The following APLP2 variants were observed in gnomAD, a reference collection of about 807,000 sequenced individuals.
The protein encoded by APLP2 is amyloid beta precursor like protein 2, also known as CDEI box-binding protein.
In APLP2, 53 loss-of-function variants were observed where a neutral mutation model predicts 89.9. The ratio of observed to expected loss-of-function variants is 0.59; its 90% CI spans 0.47 to 0.74. The LOEUF (loss-of-function observed/expected upper bound fraction) is 0.74. APLP2 is among the 30% of genes least tolerant of loss of function. The pLI is 0.00. For synonymous variants in APLP2, 372 were observed against 348.6 expected (o/e 1.07, Z -0.75); for missense variants, 973 against 975.9 (o/e 1.00, Z 0.04).
At chr11:130,074,168 T>A (rs12421533) in intron 1 of APLP2, among the ~76,000 whole-genome samples, 17,048 of 152,236 alleles carry the variant, frequency 0.11, 1,235 homozygotes, top group East Asian at 0.25. Context: ...GTTGACCCAA[T>A]CATGTTCTTT....
chr11:130,121,244 C>G (rs530708675), intron 4 of APLP2, among the ~76,000 whole-genome samples: 2 of 152,188 alleles, frequency 1.3e-5, no homozygotes, highest in Non-Finnish European at 2.9e-5. Flanking sequence ...TGGCTCTGCT[C>G]TTTGGTCAGT....
rs1951198046 is a variant in APLP2 at position 130,133,700 on chromosome 11, T to C, written c.1656T>C (p.Tyr552=). 5 of 1,614,168 alleles carry C rather than the reference T, an allele frequency of 3.1e-6. No individual in the cohort carries two copies. Among genetic ancestry groups the C allele is most frequent in the East Asian group, 2.2e-5 (1 of 44,886 alleles). Residue 552 remains tyrosine (Y), a synonymous_variant, in exon 12 of 17, where the codon TAT becomes TAC. Coordinates refer to ENST00000338167, the MANE Select transcript of APLP2 (RefSeq NM_001142276.2). ...TCTCTCTGCTCTACAAAGTACCTTA[T>C]GTAGCCCAAGAAATTCAAGAGGAAA... ...QSLSLLYKVP[Y]VAQEIQEEID...
At chr11:130,140,618 C>T (rs902836426) in intron 14 of APLP2, 135 bp downstream of exon 14, 13 of 566,926 alleles carry the variant, frequency 2.3e-5, no homozygotes, top group Admixed American at 1.9e-4. Flanking sequence ...AGGGCTCCAA[C>T]GGCTCCCACA....
At chr11:130,120,145 C>T (rs1247708326) in intron 3 of APLP2, among the ~76,000 whole-genome samples, 2 of 152,166 alleles carry the variant, frequency 1.3e-5, no homozygotes, top group African/African-American at 2.4e-5. Context: ...CCAGTTTGCT[C>T]GTTATCAGTG....
intron 3 of APLP2, among the ~76,000 whole-genome samples, chr11:130,111,438 T>C (rs997553744): frequency 1.3e-5 from 2 of 152,186 alleles, no homozygotes; most frequent in African/African-American, 4.8e-5. Context: ...GATACAGCAT[T>C]AATGTAGACA....
chr11:130,085,187 T>C (rs1321104174), intron 1 of APLP2, among the ~76,000 whole-genome samples: 1 of 152,152 alleles, frequency 6.6e-6, no homozygotes, highest in Non-Finnish European at 1.5e-5. Context: ...CGGTGGCTTA[T>C]GCCTGTAATC....
intron 1 of APLP2, among the ~76,000 whole-genome samples, chr11:130,100,007 A>G (rs7938772): frequency 0.11 from 16,878 of 152,302 alleles, 1,197 homozygotes; most frequent in East Asian, 0.24. Context: ...AAAACCTGGT[A>G]ATAATGAAAG....
intron 1 of APLP2, among the ~76,000 whole-genome samples, chr11:130,104,039 G>A (rs1055639883): frequency 3.3e-5 from 5 of 151,818 alleles, no homozygotes; most frequent in East Asian, 1.9e-4. Flanking sequence ...CTGAACTTTC[G>A]AAGTGGGAAG....
chr11:130,142,103 TCTGCA>T, intron 16 of APLP2, 29 bp downstream of exon 16: 1 of 1,593,148 alleles, frequency 6.3e-7, no homozygotes, highest in Non-Finnish European at 8.6e-7. Flanking sequence ...GAGGGCCTGC[TCTGCA>T]CTGTGGGCTG....
Position 130,081,474 on chromosome 11 carries a change from T to G in APLP2, c.105+11392T>G, listed in dbSNP as rs554655605. Among the ~76,000 whole-genome samples the G allele has an allele frequency of 2.6e-5, 4 of 152,374 alleles. 1 individual carries two copies. The highest frequency in any genetic ancestry group is 9.6e-5 in the African/African-American group (4 of 41,592). On this transcript the variant is annotated intron_variant, in intron 1 of 16. Transcript: ENST00000338167. ...GGGTGATAAAAAGGAGGGAAAATGTTTATTTTATTGATAAGCACATGGTGA... is the reference window on the plus strand; with the variant it reads ...GGGTGATAAAAAGGAGGGAAAATGTGTATTTTATTGATAAGCACATGGTGA...
intron 13 of APLP2, among the ~76,000 whole-genome samples, chr11:130,135,929 C>CT: frequency 1.3e-5 from 2 of 152,282 alleles, no homozygotes; most frequent in South Asian, 4.1e-4. Flanking sequence ...GAAGTTAAGA[C>CT]TAATTCTCCC....
intron 1 of APLP2, among the ~76,000 whole-genome samples, chr11:130,091,574 G>A (rs1285305936): frequency 5.7e-5 from 8 of 139,892 alleles, no homozygotes; most frequent in East Asian, 2.3e-4. Context: ...CGGACGGGGC[G>A]GCTGGCCGGG....
At chr11:130,103,530 G>A (rs79658135) in intron 1 of APLP2, among the ~76,000 whole-genome samples, 247 of 152,152 alleles carry the variant, frequency 1.6e-3, no homozygotes, top group African/African-American at 5.3e-3. Flanking sequence ...GCACAGAGCC[G>A]AAATGCACTT....
chr11:130,110,808 T>C (rs2135805395), intron 3 of APLP2, 147 bp downstream of exon 3: 1 of 1,101,846 alleles, frequency 9.1e-7, no homozygotes, highest in Non-Finnish European at 1.3e-6. Context: ...TTAGGGGTGT[T>C]TGCTGGCTTC....
chr11:130,079,123 G>A (rs1591758847), intron 1 of APLP2, among the ~76,000 whole-genome samples: 1 of 149,450 alleles, frequency 6.7e-6, no homozygotes, highest in East Asian at 1.9e-4. Context: ...TTTTGAGACA[G>A]GTTGTTGCTC....
intron 1 of APLP2, among the ~76,000 whole-genome samples, chr11:130,083,133 T>C (rs773522082): frequency 7.0e-6 from 1 of 142,052 alleles, no homozygotes; most frequent in Non-Finnish European, 1.5e-5. Context: ...CCTCCTGGGC[T>C]CAAATGACTC....
rs1335660058 is a variant in APLP2, at chr11:130,123,711, G to A, written c.1022G>A (p.Gly341Asp). Reference sequence around the variant, plus strand: ...GGAAAGTGCGTGCGCTTTATATATGGTGGCTGCGGCGGCAACAGGAACAAT... The same window carrying A: ...GGAAAGTGCGTGCGCTTTATATATGATGGCTGCGGCGGCAACAGGAACAAT... ...SKGKCVRFIY[G>D]GCGGNRNNFE... is the part of the protein sequence containing the mutation. The change falls in exon 7 of 17, where the codon GGT (glycine) becomes GAT (aspartate). Residue 341 changes from glycine (G) to aspartate (D), a missense_variant. Coordinates refer to ENST00000338167, the MANE Select transcript of APLP2 (RefSeq NM_001142276.2). The surrounding 1 kb of genome is among the most constrained non-coding windows in gnomAD (Gnocchi z 4.0). 1 of 1,614,264 alleles carries A rather than the reference G, an allele frequency of 6.2e-7. No homozygotes were observed. Among genetic ancestry groups the A allele is most frequent in the South Asian group, 1.1e-5 (1 of 91,092 alleles).
rs779958252 is a variant in APLP2 at position 130,123,592 on chromosome 11, C to T, written c.923-20C>T. On this transcript the variant is annotated intron_variant, in intron 6 of 16. Coordinates refer to ENST00000338167, the MANE Select transcript of APLP2 (RefSeq NM_001142276.2). This position sits in a 1 kb window ranked among gnomAD's most constrained non-coding sequence, Gnocchi z 4.0. Reference sequence around the variant, plus strand: ...CGTCACTGCCTCTGTCCTGCTGACACTCTGACCATTTTCACACAGCTGTCT... The same window carrying T: ...CGTCACTGCCTCTGTCCTGCTGACATTCTGACCATTTTCACACAGCTGTCT... 1 of 1,608,404 alleles carries T rather than the reference C, an allele frequency of 6.2e-7. No homozygotes were observed. The highest frequency in any genetic ancestry group is 8.5e-7 in the Non-Finnish European group (1 of 1,177,474).
intron 3 of APLP2, among the ~76,000 whole-genome samples, chr11:130,112,037 T>C (rs1440592251): frequency 1.3e-5 from 2 of 152,180 alleles, no homozygotes; most frequent in Non-Finnish European, 2.9e-5. Flanking sequence ...ATTCTTTTGT[T>C]ATCCTTTATC....
Sources: allele counts gnomAD v4.1 joint callset (sites outside exome capture counted in the v4.1 genomes callset), GRCh38; gene constraint gnomAD v4.1.1; non-coding constraint Gnocchi (gnomAD v3.1); transcripts MANE v1.5; gene names NCBI Gene and HGNC (gene_info 2026-07-23, HGNC 2026-07-21).